The following ENTREP2 variants were observed in gnomAD, a reference collection of about 807,000 sequenced individuals.
ENTREP2 encodes the protein protein ENTREP2.
At chr15:29,339,158 T>A in the ENTREP2 span, among the ~76,000 whole-genome samples, 3 of 152,106 alleles carry the variant, frequency 2.0e-5, no homozygotes, top group Admixed American at 6.6e-5. Flanking sequence ...ACTAGTGGAG[T>A]TGGCACGAGA....
the ENTREP2 span, among the ~76,000 whole-genome samples, chr15:29,503,767 G>T: frequency 2.0e-5 from 3 of 151,960 alleles, no homozygotes; most frequent in Admixed American, 6.6e-5. Flanking sequence ...TACAAAGATG[G>T]GTCATGCAAT....
chr15:29,510,201 G>A, the ENTREP2 span, among the ~76,000 whole-genome samples: 1 of 152,138 alleles, frequency 6.6e-6, no homozygotes, highest in Non-Finnish European at 1.5e-5. Flanking sequence ...ACGATGAGAT[G>A]CCATCTCATG....
chr15:29,429,041 C>T, the ENTREP2 span, among the ~76,000 whole-genome samples: 3 of 152,240 alleles, frequency 2.0e-5, no homozygotes, highest in Non-Finnish European at 4.4e-5. Context: ...CTCCTGCATC[C>T]TATGCCTGCA....
At chr15:29,490,426 C>G in the ENTREP2 span, among the ~76,000 whole-genome samples, 1 of 152,214 alleles carries the variant, frequency 6.6e-6, no homozygotes, top group East Asian at 1.9e-4. Context: ...CTGCTGGCTC[C>G]GGCAGCCTGC....
chr15:29,510,012 A>G, the ENTREP2 span, among the ~76,000 whole-genome samples: 3 of 151,490 alleles, frequency 2.0e-5, no homozygotes, highest in Admixed American at 6.6e-5. Flanking sequence ...CATCTGACAA[A>G]GGGGTAATAT....
chr15:29,294,390 G>A, the ENTREP2 span, among the ~76,000 whole-genome samples: 40 of 152,364 alleles, frequency 2.6e-4, no homozygotes, highest in African/African-American at 9.1e-4. Context: ...AGGGGCAGAA[G>A]GAGGTCCAGG....
the ENTREP2 span, among the ~76,000 whole-genome samples, chr15:29,547,486 C>T: frequency 6.6e-6 from 1 of 152,282 alleles, no homozygotes; most frequent in South Asian, 2.1e-4. Flanking sequence ...AGATGTTCAA[C>T]ATCATTCATC....
the ENTREP2 span, among the ~76,000 whole-genome samples, chr15:29,411,570 C>T: frequency 6.6e-6 from 1 of 152,224 alleles, no homozygotes; most frequent in Non-Finnish European, 1.5e-5. Context: ...GAGTTCACTA[C>T]ATGAAATCAT....
the ENTREP2 span, among the ~76,000 whole-genome samples, chr15:29,154,459 G>GAA: frequency 0.023 from 3,441 of 147,208 alleles, 118 homozygotes; most frequent in African/African-American, 0.081. Flanking sequence ...GTCAGAAATA[G>GAA]AAAAAAAAAA....
At chr15:29,556,281 C>G in the ENTREP2 span, among the ~76,000 whole-genome samples, 5 of 152,124 alleles carry the variant, frequency 3.3e-5, no homozygotes, top group African/African-American at 1.2e-4. Flanking sequence ...CAGTTATCTC[C>G]TGGATAACTG....
At chr15:29,331,628 T>C in the ENTREP2 span, among the ~76,000 whole-genome samples, 4 of 152,342 alleles carry the variant, frequency 2.6e-5, no homozygotes, top group East Asian at 5.8e-4. Flanking sequence ...GTATGAACAC[T>C]GGTGCACCGA....
At chr15:29,380,987 G>A in the ENTREP2 span, among the ~76,000 whole-genome samples, 2 of 151,468 alleles carry the variant, frequency 1.3e-5, no homozygotes, top group African/African-American at 2.4e-5. Flanking sequence ...CAGTAGCTGG[G>A]ATTACAGACA....
At chr15:29,371,540 G>A in the ENTREP2 span, among the ~76,000 whole-genome samples, 2 of 152,114 alleles carry the variant, frequency 1.3e-5, no homozygotes, top group African/African-American at 2.4e-5. Context: ...CAGTTAACCT[G>A]TGGGGGGAGG....
chr15:29,318,286 G>A, the ENTREP2 span, among the ~76,000 whole-genome samples: 27 of 151,688 alleles, frequency 1.8e-4, no homozygotes, highest in Non-Finnish European at 2.9e-4. Flanking sequence ...TTTTAGCAAT[G>A]AAGTATTTTT....
chr15:29,657,475 T>TGCGGGGGCAGGGCGGGGCGGGGGGGGGGG, the ENTREP2 span, among the ~76,000 whole-genome samples: 1 of 3,804 alleles, frequency 2.6e-4, no homozygotes, highest in Non-Finnish European at 5.6e-4. Context: ...CGCTGTCGGC[T>TGCGGGGGCAGGGCGGGGCGGGGGGGGGGG]GGGGGGGCGG....
the ENTREP2 span, among the ~76,000 whole-genome samples, chr15:29,290,809 G>T: frequency 2.0e-5 from 3 of 152,166 alleles, no homozygotes; most frequent in East Asian, 5.8e-4. Context: ...TGCAGCTCCT[G>T]CCAGGGCATT....
chr15:29,256,319 C>A, the ENTREP2 span, among the ~76,000 whole-genome samples: 1 of 152,068 alleles, frequency 6.6e-6, no homozygotes, highest in Admixed American at 6.5e-5. Flanking sequence ...ACATGTACCT[C>A]CTGAATCTAA....
the ENTREP2 span, among the ~76,000 whole-genome samples, chr15:29,571,353 G>C: frequency 1.3e-5 from 2 of 151,768 alleles, no homozygotes; most frequent in African/African-American, 2.4e-5. Flanking sequence ...GCCTGGGGAC[G>C]GCTCGGGATG....
At chr15:29,656,344 G>C in the ENTREP2 span, among the ~76,000 whole-genome samples, 3 of 151,872 alleles carry the variant, frequency 2.0e-5, no homozygotes, top group Non-Finnish European at 2.9e-5. Flanking sequence ...TCATGTGTCA[G>C]CCTCCCGAGT....
Sources: allele counts gnomAD v4.1 joint callset (sites outside exome capture counted in the v4.1 genomes callset), GRCh38; gene constraint gnomAD v4.1.1; transcripts MANE v1.5; gene names NCBI Gene and HGNC (gene_info 2026-07-23, HGNC 2026-07-21).